MBTPS1: variants seen among roughly 807,000 people sequenced by gnomAD.
MBTPS1 encodes the protein membrane-bound transcription factor site-1 protease.
A neutral mutation model predicts 127.8 loss-of-function variants in MBTPS1; 94 were observed. The ratio of observed to expected loss-of-function variants is 0.74; its 90% CI spans 0.62 to 0.87. The LOEUF (loss-of-function observed/expected upper bound fraction) is 0.87. Among genes scored for constraint, MBTPS1 ranks in the 40% least tolerant of loss-of-function variants. The pLI, the probability that MBTPS1 is intolerant of heterozygous loss-of-function variation, is 0.00. For missense variants in MBTPS1, 1,636 were observed against 1,353.2 expected, an observed-to-expected ratio of 1.21 and a Z score of -3.28; for synonymous variants, 632 against 509.4, an observed-to-expected ratio of 1.24 and a Z score of -3.24.
intron 11 of MBTPS1, among the ~76,000 whole-genome samples, chr16:84,079,123 C>A (rs778663506): frequency 2.0e-5 from 3 of 152,180 alleles, no homozygotes; most frequent in African/African-American, 7.2e-5. Flanking sequence ...GGGACCTCCC[C>A]GCTCTCTTGC....
chr16:84,108,391 G>C (rs1178223059), intron 1 of MBTPS1, among the ~76,000 whole-genome samples: 1 of 152,180 alleles, frequency 6.6e-6, no homozygotes, highest in Non-Finnish European at 1.5e-5. Context: ...AGCCTCCTGA[G>C]TAGCTGGAAT....
intron 9 of MBTPS1, among the ~76,000 whole-genome samples, chr16:84,085,477 C>T (rs1008720260): frequency 4.0e-5 from 6 of 151,822 alleles, no homozygotes; most frequent in East Asian, 1.9e-4. Flanking sequence ...ATCACCTGAG[C>T]CCGGGAGGTC....
intron 12 of MBTPS1, among the ~76,000 whole-genome samples, chr16:84,073,159 G>C (rs1200605869): frequency 6.6e-6 from 1 of 152,156 alleles, no homozygotes; most frequent in Non-Finnish European, 1.5e-5. Flanking sequence ...TTTTGAGATG[G>C]AGTGTTGCTC....
At chr16:84,096,635 T>C (rs1442891211) in intron 3 of MBTPS1, among the ~76,000 whole-genome samples, 1 of 152,238 alleles carries the variant, frequency 6.6e-6, no homozygotes, top group Non-Finnish European at 1.5e-5. Flanking sequence ...AATACAGTTC[T>C]CTTTCTAAAG....
intron 1 of MBTPS1, among the ~76,000 whole-genome samples, chr16:84,108,683 G>A (rs1450307596): frequency 6.6e-6 from 1 of 152,198 alleles, no homozygotes; most frequent in Admixed American, 6.5e-5. Context: ...GCCCACTACA[G>A]GGTCTTAAGA....
intron 19 of MBTPS1, 89 bp downstream of exon 19, chr16:84,063,216 T>C: frequency 7.2e-7 from 1 of 1,383,360 alleles, no homozygotes; most frequent in South Asian, 1.3e-5. Flanking sequence ...TCGGCTGATC[T>C]GCCAGCATCT....
chr16:84,105,418 G>T (rs1184241473), intron 1 of MBTPS1, among the ~76,000 whole-genome samples: 2 of 152,126 alleles, frequency 1.3e-5, no homozygotes, highest in African/African-American at 4.8e-5. Flanking sequence ...AGGCATCCAG[G>T]CCACAGATGC....
intron 12 of MBTPS1, among the ~76,000 whole-genome samples, chr16:84,073,768 G>A (rs1444395508): frequency 2.6e-5 from 4 of 152,272 alleles, no homozygotes; most frequent in Non-Finnish European, 4.4e-5. Flanking sequence ...ACTCTGGGAG[G>A]CTGAGGTAGC....
At chr16:84,075,472 C>T (rs1222932341) in intron 11 of MBTPS1, 2 of 138,262 alleles carry the variant, frequency 1.4e-5, no homozygotes, top group Non-Finnish European at 1.5e-5. Flanking sequence ...CAGCTACGCC[C>T]GAACAGGTGA....
At chr16:84,082,029 G>C (rs1339082423) in intron 10 of MBTPS1, 121 bp from the exon 11 acceptor site, 1 of 617,534 alleles carries the variant, frequency 1.6e-6, no homozygotes, top group African/African-American at 1.9e-5. Context: ...TATCCAACAG[G>C]TGCTTGTCTG....
At position 84,099,107 on chromosome 16, in the gene MBTPS1, T is replaced by C. The variant is rs2086218857; in HGVS notation, c.367A>G (p.Ile123Val). Residue 123 changes from isoleucine (I) to valine (V), a missense_variant, in exon 3 of 23, where the codon ATC becomes GTC. Ile to Val is a conservative substitution (Grantham distance 29). Coordinates refer to ENST00000343411, the MANE Select transcript of MBTPS1 (RefSeq NM_003791.4). ...GLLTLEDHPN[I>V]KRVTPQRKVF... ...TTTCGTTGGGGCGTGACCCGTTTGA[T>C]GTTTGGATGATCTTCAAGTGTTAGC... 1.2e-6 allele frequency: 2 copies of C among 1,614,102 alleles called. No individual in the cohort carries two copies. The highest frequency in any genetic ancestry group is 1.3e-5 in the African/African-American group (1 of 74,932).
rs1387347022 is a variant in MBTPS1 at position 84,090,892 on chromosome 16, A to T, written c.1014T>A (p.Asn338Lys). The T allele has an allele frequency of 6.2e-7, 1 of 1,613,512 alleles. No homozygotes were observed. ...CTACTTACCCATAAAGAGGTCCGTC[A>T]TTGCCAATAGCAGAAACCATGATTA... ...NNVIMVSAIG[N>K]DGPLYGTLNN... is the part of the protein sequence containing the mutation. Residue 338 changes from asparagine to lysine, a missense_variant, in exon 8 of 23, where the codon AAT becomes AAA. Transcript: ENST00000343411.
rs1333139692 is a variant in MBTPS1, at chr16:84,085,113, G to A, written c.1156C>T (p.Arg386Cys). The A allele has an allele frequency of 4.3e-6, 7 of 1,614,050 alleles. No individual in the cohort carries two copies. The highest frequency in any genetic ancestry group is 5.9e-6 in the Non-Finnish European group (7 of 1,180,044). The change falls in exon 10 of 23, where the codon CGC (arginine) becomes TGC (cysteine). Residue 386 changes from arginine (R) to cysteine (C), a missense_variant. Physicochemically the swap from Arg to Cys is radical, Grantham distance 180. Coordinates refer to ENST00000343411, the MANE Select transcript of MBTPS1 (RefSeq NM_003791.4). ...TTWELPGGYG[R>C]MKPDIVTYGA... ...TAGGTGACAATGTCAGGTTTCATGCGACCGTAGCCTCCTGGTAGCTCCTAT... is the reference window on the plus strand; with the variant it reads ...TAGGTGACAATGTCAGGTTTCATGCAACCGTAGCCTCCTGGTAGCTCCTAT...
intron 12 of MBTPS1, among the ~76,000 whole-genome samples, chr16:84,071,094 C>A (rs1242903380): frequency 6.6e-6 from 1 of 152,064 alleles, no homozygotes; most frequent in Non-Finnish European, 1.5e-5. Context: ...ACTAAGAGAA[C>A]TTATATAGAT....
chr16:84,074,600 A>G lies in MBTPS1; in HGVS notation c.1590T>C (p.Asp530=). 6.2e-7 allele frequency: 1 copy of G among 1,613,760 alleles called. No homozygotes were observed. Among genetic ancestry groups the G allele is most frequent in the Non-Finnish European group, 8.5e-7 (1 of 1,179,732 alleles). The stretch of plus-strand genomic sequence containing the variant: ...CCAAGTCAGAGAGAAGTTTCACCTT[A>G]TCTACAATTCTTCCTGTGACTCCCA... ...NGMGVTGRIV[D]KPDWQPYLPQ... The change falls in exon 12 of 23, where the codon GAT becomes GAC. Residue 530 remains aspartate (D), a synonymous_variant. Coordinates refer to ENST00000343411, the MANE Select transcript of MBTPS1 (RefSeq NM_003791.4).
At chr16:84,105,596 A>G (rs527604972) in intron 1 of MBTPS1, among the ~76,000 whole-genome samples, 1 of 152,172 alleles carries the variant, frequency 6.6e-6, no homozygotes, top group Non-Finnish European at 1.5e-5. Context: ...ACAGGAAGAC[A>G]CAGATGTGCA....
intron 11 of MBTPS1, among the ~76,000 whole-genome samples, chr16:84,080,238 A>G (rs1253180048): frequency 4.6e-5 from 7 of 152,214 alleles, no homozygotes. Flanking sequence ...AATAAATGGG[A>G]CAGAAAGGAC....
At chr16:84,085,583 A>ACCCCCC (rs1321256999) in intron 9 of MBTPS1, among the ~76,000 whole-genome samples, 2 of 82,544 alleles carry the variant, frequency 2.4e-5, no homozygotes, top group Non-Finnish European at 4.8e-5. Flanking sequence ...CCCCCCCCCA[A>ACCCCCC]AAAAAAAGAG....
At chr16:84,099,775 CAAAAA>C (rs57148184) in intron 2 of MBTPS1, among the ~76,000 whole-genome samples, 1 of 76,346 alleles carries the variant, frequency 1.3e-5, no homozygotes, top group Non-Finnish European at 2.8e-5. Context: ...GCCTCCGTCT[CAAAAA>C]AAAAAAAAAA....
Sources: gnomAD v4.1 joint callset for allele counts (sites outside exome capture counted in the v4.1 genomes callset) on GRCh38, gnomAD v4.1.1 for gene constraint, MANE v1.5 for transcripts, NCBI Gene and HGNC (gene_info 2026-07-23, HGNC 2026-07-21) for gene names.